The following FAM78B variants were observed in gnomAD, a reference collection of about 807,000 sequenced individuals.
The protein encoded by FAM78B is protein FAM78B.
A neutral mutation model predicts 20.0 loss-of-function variants in FAM78B; 10 were observed. The observed-to-expected ratio is 0.50, with a 90% CI of 0.31 to 0.85. The LOEUF is 0.85. FAM78B is among the 40% of genes least tolerant of loss of function. The pLI is 0.05. For missense variants in FAM78B, 283 were observed against 345.0 expected, an observed-to-expected ratio of 0.82 and a Z score of 1.42; for synonymous variants, 135 against 132.8, an observed-to-expected ratio of 1.02 and a Z score of -0.12.
chr1:166,117,833 C>T (rs538695776), intron 1 of FAM78B, among the ~76,000 whole-genome samples: 2 of 152,196 alleles, frequency 1.3e-5, no homozygotes, highest in South Asian at 2.1e-4. Context: ...TTGAGTCAAG[C>T]GGGTTCTAAA....
intron 1 of FAM78B, among the ~76,000 whole-genome samples, chr1:166,106,163 AC>A: frequency 7.0e-6 from 1 of 141,948 alleles, no homozygotes; most frequent in East Asian, 2.2e-4. Flanking sequence ...CAGTGAGAAC[AC>A]ATGGACACAG....
chr1:166,161,406 C>T (rs1216233545), intron 1 of FAM78B, among the ~76,000 whole-genome samples: 2 of 152,162 alleles, frequency 1.3e-5, no homozygotes, highest in African/African-American at 4.8e-5. Flanking sequence ...CCTCGGCCTC[C>T]CATGCAAGAG....
chr1:166,153,467 GCAGCAGGGCCAATCGATCAGA>G (rs1382608383), intron 1 of FAM78B, among the ~76,000 whole-genome samples: 1 of 152,220 alleles, frequency 6.6e-6, no homozygotes, highest in African/African-American at 2.4e-5. Flanking sequence ...TGAGAATCAG[GCAGCAGGGCCAATCGATCAGA>G]CAGGCAGGAG....
intron 1 of FAM78B, among the ~76,000 whole-genome samples, chr1:166,122,891 T>C (rs919122574): frequency 3.3e-5 from 5 of 152,120 alleles, no homozygotes; most frequent in African/African-American, 9.7e-5. Flanking sequence ...TAGGATCCCA[T>C]AGAGTGGATT....
chr1:166,060,838 T>TA (rs1008430678), intron 2 of FAM78B, among the ~76,000 whole-genome samples: 9 of 3,188 alleles, frequency 2.8e-3, no homozygotes, highest in African/African-American at 3.1e-3. Flanking sequence ...TGCACTTCTC[T>TA]ATAAAGAATA....
chr1:166,134,514 T>C (rs971965614), intron 1 of FAM78B, among the ~76,000 whole-genome samples: 4 of 151,002 alleles, frequency 2.6e-5, no homozygotes, highest in African/African-American at 9.7e-5. Context: ...AACATTAAAG[T>C]AGTAATAATA....
downstream of FAM78B, among the ~76,000 whole-genome samples, chr1:166,068,176 G>A (rs981727493): frequency 1.3e-5 from 2 of 152,176 alleles, no homozygotes; most frequent in African/African-American, 4.8e-5. Context: ...CACTCCCCAG[G>A]ATCCCATAGG....
At chr1:166,151,817 G>A (rs1229267664) in intron 1 of FAM78B, among the ~76,000 whole-genome samples, 1 of 152,126 alleles carries the variant, frequency 6.6e-6, no homozygotes, top group Non-Finnish European at 1.5e-5. Flanking sequence ...TAGGGTTTCC[G>A]CAAAAACTTT....
chr1:166,141,798 A>C (rs1053497793), intron 1 of FAM78B, among the ~76,000 whole-genome samples: 4 of 152,222 alleles, frequency 2.6e-5, no homozygotes, highest in African/African-American at 7.2e-5. Flanking sequence ...TGACAGATGC[A>C]AAGCTGTATG....
chr1:166,078,974 C>T (rs1452262112), intron 1 of FAM78B, among the ~76,000 whole-genome samples: 1 of 150,410 alleles, frequency 6.6e-6, no homozygotes. Context: ...CTCTGTCACC[C>T]AGGCTAGAGC....
chr1:166,153,846 C>G (rs1045860172), intron 1 of FAM78B, among the ~76,000 whole-genome samples: 7 of 152,156 alleles, frequency 4.6e-5, no homozygotes, highest in East Asian at 1.9e-4. Flanking sequence ...TCTATACCCC[C>G]CTTAGATCCC....
At chr1:166,109,915 T>C (rs1309863957) in intron 1 of FAM78B, among the ~76,000 whole-genome samples, 1 of 110,844 alleles carries the variant, frequency 9.0e-6, no homozygotes, top group African/African-American at 3.0e-5. Flanking sequence ...TATATATATA[T>C]ATATAATGGA....
intron 1 of FAM78B, among the ~76,000 whole-genome samples, chr1:166,098,238 ACCCTAGACCTTCCCTTTGACAG>A (rs1653365256): frequency 1.3e-5 from 2 of 152,140 alleles, no homozygotes; most frequent in African/African-American, 4.8e-5. Flanking sequence ...ATGGCCTTCA[ACCCTAGACCTTCCCTTTGACAG>A]AGACTACCCA....
intron 1 of FAM78B, among the ~76,000 whole-genome samples, chr1:166,151,934 G>A (rs527593376): frequency 6.6e-6 from 1 of 152,160 alleles, no homozygotes; most frequent in South Asian, 2.1e-4. Context: ...ACTTTACCCC[G>A]GGCCCAACTC....
chr1:166,066,009 T>A (rs1651779428), downstream of FAM78B, among the ~76,000 whole-genome samples: 1 of 152,182 alleles, frequency 6.6e-6, no homozygotes, highest in Non-Finnish European at 1.5e-5. Context: ...GTGCCCTCAG[T>A]TCTAACAAGC....
chr1:166,127,969 G>A (rs1281421518), intron 1 of FAM78B, among the ~76,000 whole-genome samples: 1 of 152,216 alleles, frequency 6.6e-6, no homozygotes, highest in Non-Finnish European at 1.5e-5. Flanking sequence ...GAGCCACCAT[G>A]TCAGACAAGA....
chr1:166,064,579 T>G (rs4378183), downstream of FAM78B, among the ~76,000 whole-genome samples: 150,590 of 152,178 alleles, frequency 0.99, 74,520 homozygotes, highest in Middle Eastern at 1. Flanking sequence ...GACCACCAGG[T>G]TTCACGCCTC....
chr1:166,161,019 G>A (rs1447959366), intron 1 of FAM78B, among the ~76,000 whole-genome samples: 1 of 152,212 alleles, frequency 6.6e-6, no homozygotes, highest in Non-Finnish European at 1.5e-5. Flanking sequence ...GAGCAGTGCA[G>A]GGAGGAAGCA....
intron 1 of FAM78B, among the ~76,000 whole-genome samples, chr1:166,109,890 G>GTATATATGTATGTATACATATATATATA (rs1557903394): frequency 8.6e-5 from 2 of 23,192 alleles, no homozygotes; most frequent in Non-Finnish European, 2.3e-4. Flanking sequence ...ATGTATATAT[G>GTATATATGTATGTATACATATATATATA]TATATATATA....
Sources: allele counts gnomAD v4.1 joint callset (sites outside exome capture counted in the v4.1 genomes callset), GRCh38; gene constraint gnomAD v4.1.1; transcripts MANE v1.5; gene names NCBI Gene and HGNC (gene_info 2026-07-23, HGNC 2026-07-21).